The following PRMT8 variants were observed in gnomAD, a reference collection of about 807,000 sequenced individuals.
PRMT8 encodes protein arginine methyltransferase 8, also known as protein arginine N-methyltransferase 8.
PRMT8 carries 7 observed loss-of-function variants against 47.1 expected under a neutral mutation model. The observed-to-expected ratio is 0.15, with a 90% CI of 0.08 to 0.28. The LOEUF is 0.28. Ranked by LOEUF, PRMT8 falls within the 10% of genes least tolerant of loss-of-function variation. PRMT8 has a pLI of 1.00. For missense variants in PRMT8, 237 were observed against 505.4 expected (o/e 0.47, Z 5.09); for synonymous variants, 188 against 186.5 (o/e 1.01, Z -0.07).
intron 1 of PRMT8, among the ~76,000 whole-genome samples, chr12:3,517,849 T>C (rs1274096286): frequency 6.6e-6 from 1 of 152,170 alleles, no homozygotes; most frequent in Non-Finnish European, 1.5e-5. Context: ...TAATAAAGTA[T>C]TGCTGTTTTG....
chr12:3,543,552 T>C (rs1219746802), intron 2 of PRMT8, among the ~76,000 whole-genome samples: 1 of 152,202 alleles, frequency 6.6e-6, no homozygotes, highest in South Asian at 2.1e-4. Flanking sequence ...TGCTGATTAA[T>C]AGCCATCAGT....
rs1415523498 is a variant in PRMT8 at position 3,538,192 on chromosome 12, C to T, written c.76-2414C>T. 4 of 153,532 alleles carry T rather than the reference C, an allele frequency of 2.6e-5. No homozygotes were observed. Among genetic ancestry groups the T allele is most frequent in the Non-Finnish European group, 5.8e-5 (4 of 68,936 alleles). 9.5% of individuals were successfully genotyped at this position (153,532 alleles called of 1,614,324 possible). A position where few individuals can be genotyped will look rare whatever the true frequency, so the allele number is the denominator to read the frequency against. On this transcript the variant is annotated intron_variant, in intron 1 of 9. Transcript: ENST00000382622. The surrounding 1 kb of genome is among the most constrained non-coding windows in gnomAD (Gnocchi z 4.6). ...CCACCTCCTGCTATCCCAGGGCTTCCTGACTCTCTGCATTAAAGTGAATTC... is the reference window on the plus strand; with the variant it reads ...CCACCTCCTGCTATCCCAGGGCTTCTTGACTCTCTGCATTAAAGTGAATTC...
Position 3,576,819 on chromosome 12 carries a change from T to G in PRMT8, c.713-52T>G. On this transcript the variant is annotated intron_variant, in intron 6 of 9. Coordinates refer to ENST00000382622, the MANE Select transcript of PRMT8 (RefSeq NM_019854.5). The surrounding 1 kb of genome is among the most constrained non-coding windows in gnomAD (Gnocchi z 4.0). ...TGCTCTAGGACTCAGGAGGGTTGGG[T>G]GAGCTTCTGGGGGTCCTGCGCCTGC... 262 of 1,451,654 alleles carry G rather than the reference T, an allele frequency of 1.8e-4. No homozygotes were observed. Among genetic ancestry groups the G allele is most frequent in the Non-Finnish European group, 2.3e-4 (240 of 1,036,828 alleles). 89.9% of individuals were successfully genotyped at this position (1,451,654 alleles called of 1,614,324 possible). A position where few individuals can be genotyped will look rare whatever the true frequency, so the allele number is the denominator to read the frequency against.
intron 1 of PRMT8, among the ~76,000 whole-genome samples, chr12:3,496,795 C>T (rs977979605): frequency 1.3e-5 from 2 of 152,176 alleles, no homozygotes; most frequent in African/African-American, 4.8e-5. Context: ...TATTCTCCCA[C>T]TTTCTCATTT....
chr12:3,383,894 T>C (rs1180802287), intron 1 of PRMT8, among the ~76,000 whole-genome samples: 1 of 152,228 alleles, frequency 6.6e-6, no homozygotes, highest in Non-Finnish European at 1.5e-5. Context: ...TATATGGTGA[T>C]ATACTTGATT....
intron 1 of PRMT8, among the ~76,000 whole-genome samples, chr12:3,430,594 T>C (rs750887402): frequency 1.3e-5 from 2 of 152,228 alleles, no homozygotes; most frequent in Non-Finnish European, 2.9e-5. Context: ...TCTCTTTCCC[T>C]TACCTTACTC....
intron 2 of PRMT8, among the ~76,000 whole-genome samples, chr12:3,545,498 A>T (rs1043678114): frequency 6.6e-6 from 1 of 152,220 alleles, no homozygotes; most frequent in African/African-American, 2.4e-5. Context: ...AAGATCAAAG[A>T]TATCAGCCCT....
At chr12:3,468,260 A>T (rs1441131427) in intron 1 of PRMT8, among the ~76,000 whole-genome samples, 2 of 152,222 alleles carry the variant, frequency 1.3e-5, no homozygotes, top group African/African-American at 4.8e-5. Context: ...TACCTAGAAG[A>T]CGAGAAAAAA....
chr12:3,436,594 G>A lies in PRMT8; in HGVS notation c.48+55152G>A, dbSNP rs1272579651. On this transcript the variant is annotated intron_variant, in intron 1 of 9. Coordinates refer to the PRMT8 transcript ENST00000452611. This position sits in a 1 kb window ranked among gnomAD's most constrained non-coding sequence, Gnocchi z 4.2. ...TCTAAGAGGAGGCAGGAATGCGGCCGACTGGGCTCCACTGTCCCCTTTTGC... is the reference window on the plus strand; with the variant it reads ...TCTAAGAGGAGGCAGGAATGCGGCCAACTGGGCTCCACTGTCCCCTTTTGC... Among the ~76,000 whole-genome samples the A allele has an allele frequency of 1.3e-5, 2 of 152,158 alleles. No individual in the cohort carries two copies. The highest frequency in any genetic ancestry group is 4.8e-5 in the African/African-American group (2 of 41,426).
chr12:3,404,831 G>T (rs1864356250), intron 1 of PRMT8, among the ~76,000 whole-genome samples: 1 of 152,142 alleles, frequency 6.6e-6, no homozygotes, highest in South Asian at 2.1e-4. Context: ...GTAGTTGCAT[G>T]CATATAGATT....
At chr12:3,562,442 G>A (rs1056048236) in intron 4 of PRMT8, among the ~76,000 whole-genome samples, 4 of 151,908 alleles carry the variant, frequency 2.6e-5, no homozygotes, top group African/African-American at 4.8e-5. Context: ...TTACAGTCTC[G>A]GGGGAAGACA....
upstream of PRMT8, chr12:3,491,076 AG>A: frequency 3.9e-6 from 3 of 773,428 alleles, no homozygotes; most frequent in Non-Finnish European, 4.7e-6. Context: ...AGACTAGGGG[AG>A]GGGGCGGGCC....
chr12:3,542,719 G>A (rs924549075), intron 2 of PRMT8, among the ~76,000 whole-genome samples: 2 of 152,186 alleles, frequency 1.3e-5, no homozygotes, highest in South Asian at 2.1e-4. Flanking sequence ...CTCCGTGATC[G>A]GCTTCTTGGA....
At chr12:3,542,479 C>T (rs1372725637) in intron 2 of PRMT8, among the ~76,000 whole-genome samples, 1 of 152,226 alleles carries the variant, frequency 6.6e-6, no homozygotes. Flanking sequence ...GCGAAGGCCC[C>T]TTCCTCAAGA....
chr12:3,433,696 C>T (rs752771841), intron 1 of PRMT8, among the ~76,000 whole-genome samples: 7 of 152,154 alleles, frequency 4.6e-5, no homozygotes, highest in South Asian at 2.1e-4. Flanking sequence ...ACTGCAACCT[C>T]GGCCTCCCGG....
intron 1 of PRMT8, among the ~76,000 whole-genome samples, chr12:3,389,241 T>C (rs769603196): frequency 6.6e-6 from 1 of 152,096 alleles, no homozygotes; most frequent in Non-Finnish European, 1.5e-5. Flanking sequence ...CCTTCCTTTG[T>C]AGATGAAGAA....
intron 1 of PRMT8, among the ~76,000 whole-genome samples, chr12:3,510,093 A>G (rs957994541): frequency 4.6e-5 from 7 of 152,106 alleles, no homozygotes; most frequent in Admixed American, 6.5e-5. Context: ...CTTATCCACC[A>G]TTACTGGCTG....
At chr12:3,558,759 C>T (rs1866571511) in intron 4 of PRMT8, among the ~76,000 whole-genome samples, 1 of 152,208 alleles carries the variant, frequency 6.6e-6, no homozygotes, top group Non-Finnish European at 1.5e-5. Context: ...GCTGTGTTCT[C>T]ATTGCGTACA....
At chr12:3,563,083 C>T (rs1866663065) in intron 4 of PRMT8, among the ~76,000 whole-genome samples, 1 of 151,864 alleles carries the variant, frequency 6.6e-6, no homozygotes, top group African/African-American at 2.4e-5. Context: ...CCAGGCTGGA[C>T]CACAGGTGGG....
Sources: allele counts gnomAD v4.1 joint callset (sites outside exome capture counted in the v4.1 genomes callset), GRCh38; gene constraint gnomAD v4.1.1; non-coding constraint Gnocchi (gnomAD v3.1); transcripts MANE v1.5; gene names NCBI Gene and HGNC (gene_info 2026-07-23, HGNC 2026-07-21).